Variants in MAST2 observed in about 807,000 individuals in gnomAD.
The protein encoded by MAST2 is microtubule-associated serine/threonine-protein kinase 2.
In MAST2, 70 loss-of-function variants were observed where a neutral mutation model predicts 147.4. The ratio of observed to expected loss-of-function variants is 0.47; its 90% CI spans 0.39 to 0.58. The LOEUF is 0.58. Ranked by LOEUF, MAST2 falls within the 20% of genes least tolerant of loss-of-function variation. The probability of loss-of-function intolerance (pLI) is 0.00; values close to 1 mark genes in which losing one functional copy is unlikely to be tolerated. For synonymous variants in MAST2, 869 were observed against 896.8 expected (o/e 0.97, Z 0.55); for missense variants, 2,080 against 2,302.3 (o/e 0.90, Z 1.98).
chr1:45,892,750 A>C (rs1648042085), intron 4 of MAST2, among the ~76,000 whole-genome samples: 1 of 152,334 alleles, frequency 6.6e-6, no homozygotes, highest in African/African-American at 2.4e-5. Flanking sequence ...ACAAAACAGA[A>C]TCTCTCTGCA....
At chr1:45,866,745 TA>T (rs1646167568) in intron 3 of MAST2, among the ~76,000 whole-genome samples, 1 of 121,656 alleles carries the variant, frequency 8.2e-6, no homozygotes, top group Admixed American at 8.9e-5. Flanking sequence ...TTATTTTGTC[TA>T]CTTTTTTTTT....
intron 3 of MAST2, chr1:45,846,890 A>T: frequency 5.1e-6 from 1 of 196,010 alleles, no homozygotes; most frequent in Non-Finnish European, 1.1e-5. Flanking sequence ...CATATAAGAG[A>T]ATGTCAACAT....
chr1:45,872,525 GGCT>G (rs1646438212), intron 3 of MAST2, among the ~76,000 whole-genome samples: 1 of 150,492 alleles, frequency 6.6e-6, no homozygotes, highest in African/African-American at 2.5e-5. Flanking sequence ...TTGCTTCCCA[GGCT>G]GGAGTGCAAT....
chr1:45,906,947 C>T (rs2148536335), intron 4 of MAST2, among the ~76,000 whole-genome samples: 1 of 151,998 alleles, frequency 6.6e-6, no homozygotes, highest in East Asian at 1.9e-4. Context: ...AAATACTTAC[C>T]ATTGTGTTAC....
intron 5 of MAST2, among the ~76,000 whole-genome samples, chr1:45,970,003 G>A (rs1643853001): frequency 6.6e-6 from 1 of 152,124 alleles, no homozygotes; most frequent in Non-Finnish European, 1.5e-5. Flanking sequence ...ATGGTTCTTG[G>A]CTGCTGGAAT....
At chr1:45,841,680 A>G (rs1388846675) in intron 3 of MAST2, among the ~76,000 whole-genome samples, 1 of 152,300 alleles carries the variant, frequency 6.6e-6, no homozygotes, top group South Asian at 2.1e-4. Flanking sequence ...TACTGACAGC[A>G]GTATAGGTTT....
chr1:45,820,887 C>CT (rs1570223665), intron 1 of MAST2, among the ~76,000 whole-genome samples: 1 of 59,916 alleles, frequency 1.7e-5, no homozygotes, highest in Non-Finnish European at 3.4e-5. Context: ...ATTTCTCTTT[C>CT]TTTCTCTTTT....
Position 46,023,721 on chromosome 1 carries a change from C to A in MAST2, c.1572-51C>A. On this transcript the variant is annotated intron_variant, in intron 14 of 28. Coordinates refer to ENST00000361297, the MANE Select transcript of MAST2 (RefSeq NM_015112.3). This position sits in a 1 kb window ranked among gnomAD's most constrained non-coding sequence, Gnocchi z 4.9. ...AAGGCAGTTTGGGTGGCAGAGAGCA[C>A]AGCTCAGGTGCTGAGGGTCCATGGG... 6.4e-7 allele frequency: 1 copy of A among 1,560,470 alleles called. No homozygotes were observed. The highest frequency in any genetic ancestry group is 8.8e-7 in the Non-Finnish European group (1 of 1,140,012).
At position 46,034,770 on chromosome 1, in the gene MAST2, T is replaced by C. The variant is rs1171209208; in HGVS notation, c.4101T>C (p.Ser1367=). The part of the protein sequence containing the change: ...ASPQRSPSPL[S]GHVAQAFPTK... ...CTCAGCGGTCCCCATCGCCCCTGTC[T>C]GGCCATGTAGCCCAGGCCTTTCCCA... Residue 1367 remains serine, a synonymous_variant, in exon 29 of 29, where the codon TCT becomes TCC. Coordinates refer to ENST00000361297, the MANE Select transcript of MAST2 (RefSeq NM_015112.3). 1.2e-6 allele frequency: 2 copies of C among 1,613,760 alleles called. No homozygotes were observed. Among genetic ancestry groups the C allele is most frequent in the Non-Finnish European group, 8.5e-7 (1 of 1,180,012 alleles).
chr1:45,888,884 G>A (rs987399279), intron 4 of MAST2, among the ~76,000 whole-genome samples: 2 of 150,536 alleles, frequency 1.3e-5, no homozygotes, highest in African/African-American at 2.4e-5. Flanking sequence ...GTTTCACCAC[G>A]TTAGCCAGGA....
Position 46,030,588 on chromosome 1 carries a change from G to C in MAST2, c.2554-19G>C, listed in dbSNP as rs375280470. 1 of 1,587,460 alleles carries C rather than the reference G, an allele frequency of 6.3e-7. No individual in the cohort carries two copies. Among genetic ancestry groups the C allele is most frequent in the African/African-American group, 1.4e-5 (1 of 73,554 alleles). ...ACGGCTGCCAGAGCCCATCCCCAGC[G>C]CATCCCCTGTGCCCACAGGTGTACA... On this transcript the variant is annotated intron_variant, in intron 21 of 28. Transcript: ENST00000361297.
intron 3 of MAST2, among the ~76,000 whole-genome samples, chr1:45,835,203 G>A (rs1570295843): frequency 6.6e-6 from 1 of 152,006 alleles, no homozygotes; most frequent in Non-Finnish European, 1.5e-5. Context: ...CAGTTCACAA[G>A]TTAGTAGTAT....
At chr1:45,949,617 G>T (rs1338102526) in intron 4 of MAST2, among the ~76,000 whole-genome samples, 1 of 152,184 alleles carries the variant, frequency 6.6e-6, no homozygotes, top group African/African-American at 2.4e-5. Flanking sequence ...CACACTGTTG[G>T]TGGGAGTGTA....
chr1:45,867,936 T>C (rs1330006847), intron 3 of MAST2, among the ~76,000 whole-genome samples: 1 of 152,234 alleles, frequency 6.6e-6, no homozygotes, highest in Admixed American at 6.5e-5. Context: ...TCTTTTGCCT[T>C]CCTCTGTGTT....
At chr1:46,003,064 A>G (rs908627036) in intron 7 of MAST2, among the ~76,000 whole-genome samples, 181 bp downstream of exon 7, 5 of 152,242 alleles carry the variant, frequency 3.3e-5, no homozygotes, top group African/African-American at 1.2e-4. Flanking sequence ...AGCCAGCTCC[A>G]TAAGTGCCTT....
At chr1:45,872,233 G>A (rs1646423225) in intron 3 of MAST2, among the ~76,000 whole-genome samples, 1 of 152,188 alleles carries the variant, frequency 6.6e-6, no homozygotes, top group Non-Finnish European at 1.5e-5. Context: ...TCCCAGGGAG[G>A]GAGTTGCCTC....
At chr1:45,999,766 T>C (rs1413687889) in intron 6 of MAST2, among the ~76,000 whole-genome samples, 1 of 152,104 alleles carries the variant, frequency 6.6e-6, no homozygotes, top group Non-Finnish European at 1.5e-5. Flanking sequence ...AAAGGGGCCT[T>C]CTTGTCTTTC....
intron 26 of MAST2, 120 bp from the exon 27 acceptor site, chr1:46,033,682 T>C: frequency 7.9e-7 from 1 of 1,268,058 alleles, no homozygotes; most frequent in Non-Finnish European, 1.1e-6. Flanking sequence ...TTCAGATGTG[T>C]TGGTGCAGGG....
intron 10 of MAST2, among the ~76,000 whole-genome samples, chr1:46,014,765 G>A (rs184593524): frequency 6.6e-6 from 1 of 152,046 alleles, no homozygotes; most frequent in African/African-American, 2.4e-5. Flanking sequence ...AGACAGATCA[G>A]CGTGACAGAA....
Sources: allele counts gnomAD v4.1 joint callset (sites outside exome capture counted in the v4.1 genomes callset), GRCh38; gene constraint gnomAD v4.1.1; non-coding constraint Gnocchi (gnomAD v3.1); transcripts MANE v1.5; gene names NCBI Gene and HGNC (gene_info 2026-07-23, HGNC 2026-07-21).